The following EGFLAM variants were observed in gnomAD, a reference collection of about 807,000 sequenced individuals.
EGFLAM encodes the protein pikachurin.
In EGFLAM, 79 loss-of-function variants were observed where a neutral mutation model predicts 113.1. That is an observed-to-expected ratio of 0.70 (90% CI 0.58 to 0.84). The LOEUF is 0.84. Ranked by LOEUF, EGFLAM falls within the 40% of genes least tolerant of loss-of-function variation. EGFLAM has a pLI of 0.00. For missense variants in EGFLAM, 1,265 were observed against 1,291.6 expected (o/e 0.98, Z 0.32); for synonymous variants, 504 against 487.6 (o/e 1.03, Z -0.44).
intron 6 of EGFLAM, chr5:38,403,855 C>A (rs368778812): frequency 6.8e-6 from 11 of 1,613,694 alleles, no homozygotes; most frequent in African/African-American, 1.3e-5. Context: ...CACACAGATA[C>A]GCTGCATGCA....
chr5:38,396,501 T>A (rs2589813), intron 6 of EGFLAM, among the ~76,000 whole-genome samples: 6,723 of 152,342 alleles, frequency 0.044, 194 homozygotes, highest in Middle Eastern at 0.061. Context: ...AAGATTTGGC[T>A]CGTATAGAAA....
In EGFLAM at chr5:38,337,574, T is replaced by A; in HGVS notation, c.152T>A (p.Phe51Tyr). ...IKLGALNCTA[F>Y]SIQWKMPRHP... ...CTGGGCGCATTGAACTGTACGGCTT[T>A]CAGCATCCAGTGGAAAATGCCAAGG... The change falls in exon 2 of 22, where the codon TTC becomes TAC. Residue 51 changes from phenylalanine (F) to tyrosine (Y), a missense_variant. Phe to Tyr is a conservative substitution (Grantham distance 22, BLOSUM62 3). Coordinates refer to ENST00000322350, the MANE Select transcript of EGFLAM (RefSeq NM_152403.4). 1.2e-6 allele frequency: 2 copies of A among 1,607,568 alleles called. No homozygotes were observed. Among genetic ancestry groups the A allele is most frequent in the African/African-American group, 2.7e-5 (2 of 74,964 alleles).
chr5:38,312,366 G>T (rs900006637), intron 1 of EGFLAM, among the ~76,000 whole-genome samples: 1 of 151,536 alleles, frequency 6.6e-6, no homozygotes, highest in Non-Finnish European at 1.5e-5. Flanking sequence ...CTCAGCCTCC[G>T]GAGTAGCTGG....
chr5:38,407,048 C>A lies in EGFLAM; in HGVS notation c.1049C>A (p.Thr350Asn). 6.2e-7 allele frequency: 1 copy of A among 1,614,146 alleles called. No individual in the cohort carries two copies. The highest frequency in any genetic ancestry group is 8.5e-7 in the Non-Finnish European group (1 of 1,180,028). The change falls in exon 8 of 22, where the codon ACT (threonine) becomes AAT (asparagine). Residue 350 changes from threonine (T) to asparagine (N), a missense_variant. By Grantham distance (65) the Thr-to-Asn change is moderately conservative. Coordinates refer to ENST00000322350, the MANE Select transcript of EGFLAM (RefSeq NM_152403.4). ...CTCTTTGACATGCCTTGTGATGAAA[C>A]TCTCTGCTCTGCTGACAGCTTCTGT... ...SRLFDMPCDE[T>N]LCSADSFCVN... is the part of the protein sequence containing the mutation.
intron 18 of EGFLAM, 36 bp from the exon 19 acceptor site, chr5:38,451,279 G>A: frequency 6.2e-7 from 1 of 1,600,760 alleles, no homozygotes; most frequent in East Asian, 2.2e-5. Flanking sequence ...GATGTTGGTG[G>A]TTGATTTGGT....
intron 6 of EGFLAM, among the ~76,000 whole-genome samples, chr5:38,395,993 C>T (rs910124712): frequency 2.4e-5 from 3 of 124,306 alleles, no homozygotes; most frequent in Admixed American, 2.2e-4. Context: ...CAACCCACCA[C>T]CTACCACTCC....
At chr5:38,431,098 A>G in intron 14 of EGFLAM, 79 bp from the exon 15 acceptor site, 2 of 1,224,954 alleles carry the variant, frequency 1.6e-6, no homozygotes, top group East Asian at 2.5e-5. Flanking sequence ...CCCAGAAATA[A>G]TGTTGTACCA....
chr5:38,421,592 T>A (rs1741826021), intron 12 of EGFLAM, among the ~76,000 whole-genome samples: 1 of 152,222 alleles, frequency 6.6e-6, no homozygotes, highest in Non-Finnish European at 1.5e-5. Flanking sequence ...CAAGACAGGA[T>A]CCAGCTCAGT....
chr5:38,287,347 C>T, intron 1 of EGFLAM, among the ~76,000 whole-genome samples: 1 of 152,122 alleles, frequency 6.6e-6, no homozygotes, highest in South Asian at 2.1e-4. Context: ...GCCTAGTTGG[C>T]AGTAGGTTCA....
At chr5:38,396,095 C>A (rs77343291) in intron 6 of EGFLAM, among the ~76,000 whole-genome samples, 6,811 of 149,532 alleles carry the variant, frequency 0.046, 538 homozygotes, top group African/African-American at 0.16. Flanking sequence ...CAACCCATCC[C>A]AACCTGCTCC....
chr5:38,370,225 A>G (rs1157442947), intron 5 of EGFLAM, 71 bp from the exon 6 acceptor site: 4 of 1,517,016 alleles, frequency 2.6e-6, no homozygotes, highest in African/African-American at 1.4e-5. Flanking sequence ...ATTAGTTTAC[A>G]TAGCCAGCTA....
intron 5 of EGFLAM, among the ~76,000 whole-genome samples, chr5:38,357,390 T>G (rs146527950): frequency 6.6e-6 from 1 of 152,256 alleles, no homozygotes; most frequent in Non-Finnish European, 1.5e-5. Flanking sequence ...CAATTTTTGT[T>G]GTTTATAAGT....
intron 3 of EGFLAM, among the ~76,000 whole-genome samples, chr5:38,349,548 T>TC: frequency 6.6e-6 from 1 of 152,228 alleles, no homozygotes; most frequent in East Asian, 1.9e-4. Flanking sequence ...CAGCTAACAA[T>TC]AAGTGGCAGA....
chr5:38,465,203 G>A lies in EGFLAM; in HGVS notation c.*1217G>A, dbSNP rs544307067. On this transcript the variant is annotated 3_prime_UTR_variant, in exon 22 of 22. Coordinates refer to ENST00000322350, the MANE Select transcript of EGFLAM (RefSeq NM_152403.4). Reference sequence around the variant, plus strand: ...AGGACTTCTTCCTTCTGTACCATGAGCTGTGTCCCTTTACTATGCAAGCAC... The same window carrying A: ...AGGACTTCTTCCTTCTGTACCATGAACTGTGTCCCTTTACTATGCAAGCAC... 6.6e-6 allele frequency among the ~76,000 whole-genome samples: 1 copy of A among 152,246 alleles called. No homozygotes were observed. Among genetic ancestry groups the A allele is most frequent in the African/African-American group, 2.4e-5 (1 of 41,542 alleles).
chr5:38,463,735 G>T, intron 21 of EGFLAM, 97 bp from the exon 22 acceptor site: 1 of 1,481,054 alleles, frequency 6.8e-7, no homozygotes, highest in Non-Finnish European at 9.3e-7. Context: ...GGATGCCTTG[G>T]CCAGCAGCCA....
intron 6 of EGFLAM, among the ~76,000 whole-genome samples, chr5:38,380,721 G>C (rs972611339): frequency 2.0e-5 from 3 of 152,166 alleles, no homozygotes; most frequent in African/African-American, 7.2e-5. Flanking sequence ...ATGACTCCAT[G>C]CATGTAAATC....
chr5:38,388,555 C>T (rs10043660), intron 6 of EGFLAM, among the ~76,000 whole-genome samples: 30,862 of 151,634 alleles, frequency 0.2, 3,324 homozygotes, highest in Non-Finnish European at 0.2. Context: ...ACCAGCCTGG[C>T]CAACATGGTG....
chr5:38,359,382 A>G (rs1196349857), intron 5 of EGFLAM, among the ~76,000 whole-genome samples: 1 of 152,222 alleles, frequency 6.6e-6, no homozygotes, highest in Non-Finnish European at 1.5e-5. Context: ...TTTTTAGTTA[A>G]AAGTCCACCA....
chr5:38,431,143 T>C (rs749735682), intron 14 of EGFLAM, 34 bp from the exon 15 acceptor site: 10 of 1,590,976 alleles, frequency 6.3e-6, no homozygotes, highest in Middle Eastern at 1.7e-4. Flanking sequence ...ATCAACTCGA[T>C]ACATAAAAAT....
Sources: gnomAD v4.1 joint callset for allele counts (sites outside exome capture counted in the v4.1 genomes callset) on GRCh38, gnomAD v4.1.1 for gene constraint, MANE v1.5 for transcripts, NCBI Gene and HGNC (gene_info 2026-07-23, HGNC 2026-07-21) for gene names.